ABCA12: variants seen among roughly 807,000 people sequenced by gnomAD.
ABCA12 encodes the protein glucosylceramide transporter ABCA12.
In ABCA12, 156 loss-of-function variants were observed where a neutral mutation model predicts 293.5. That is an observed-to-expected ratio of 0.53 (90% CI 0.47 to 0.61). ABCA12 has a LOEUF of 0.61. Among genes scored for constraint, ABCA12 ranks in the 20% least tolerant of loss-of-function variants. The pLI is 0.00. For missense variants in ABCA12, 2,797 were observed against 3,090.2 expected, an observed-to-expected ratio of 0.91 and a Z score of 2.25; for synonymous variants, 1,063 against 1,108.0, an observed-to-expected ratio of 0.96 and a Z score of 0.81.
intron 39 of ABCA12, among the ~76,000 whole-genome samples, chr2:214,964,035 G>C (rs1033893069): frequency 6.6e-6 from 1 of 151,172 alleles, no homozygotes; most frequent in Non-Finnish European, 1.5e-5. Flanking sequence ...AAGCTTATCT[G>C]CCACAAGTTG....
intron 2 of ABCA12, among the ~76,000 whole-genome samples, chr2:215,107,387 T>C (rs1702484729): frequency 6.6e-6 from 1 of 152,166 alleles, no homozygotes. Flanking sequence ...CATGTGGAGA[T>C]TATAAGAGAT....
chr2:214,938,577 G>T (rs143865080), intron 50 of ABCA12, among the ~76,000 whole-genome samples: 1 of 151,852 alleles, frequency 6.6e-6, no homozygotes, highest in Non-Finnish European at 1.5e-5. Context: ...TTACACTTCC[G>T]CCAACAGTGT....
intron 49 of ABCA12, among the ~76,000 whole-genome samples, chr2:214,943,315 A>T (rs1374030348): frequency 1.3e-5 from 2 of 150,544 alleles, no homozygotes; most frequent in Admixed American, 1.3e-4. Context: ...TTTAATTTTA[A>T]TTTTTTTTTG....
chr2:215,127,988 G>C (rs1228251717), intron 1 of ABCA12, among the ~76,000 whole-genome samples: 1 of 152,156 alleles, frequency 6.6e-6, no homozygotes. Flanking sequence ...TTGTAGTGGT[G>C]CTTTGGTAAT....
At chr2:215,041,090 T>C (rs1701090597) in intron 7 of ABCA12, among the ~76,000 whole-genome samples, 1 of 152,090 alleles carries the variant, frequency 6.6e-6, no homozygotes, top group Admixed American at 6.6e-5. Flanking sequence ...AAAAAATAAG[T>C]ATATGAAGGA....
At position 215,052,510 on chromosome 2, in the gene ABCA12, C is replaced by G. The variant is rs192427187; in HGVS notation, c.484G>C (p.Ala162Pro). 11 of 1,612,426 alleles carry G rather than the reference C, an allele frequency of 6.8e-6. No individual in the cohort carries two copies. In the East Asian group the frequency reaches 1.1e-4, roughly 16 times the overall value. The stretch of plus-strand genomic sequence containing the variant: ...ACCTTTTCCAAGCCAAGAATTCGTG[C>G]GAGCACTTGACTGCCATTGAAAGTA... ...TYTFNGSQVL[A>P]RILGLEKLLK... is the part of the protein sequence containing the mutation. The change falls in exon 5 of 53, where the codon GCA becomes CCA. Residue 162 changes from alanine to proline, a missense_variant. Around this residue, in one of 3 missense-constraint regions of ABCA12, gnomAD observed 656 missense variants for 638.2 expected, o/e 1.03. Coordinates refer to ENST00000272895, the MANE Select transcript of ABCA12 (RefSeq NM_173076.3).
chr2:215,054,721 C>G (rs1701386946), intron 3 of ABCA12, 57 bp from the exon 4 acceptor site: 1 of 1,350,156 alleles, frequency 7.4e-7, no homozygotes, highest in African/African-American at 1.4e-5. Context: ...TTAGTTACAG[C>G]AATGTATTAT....
chr2:215,037,140 G>C lies in ABCA12; in HGVS notation c.873-75C>G, dbSNP rs1701011445. 3.6e-6 allele frequency: 4 copies of C among 1,096,908 alleles called. No individual in the cohort carries two copies. In the South Asian group the frequency reaches 5.1e-5, roughly 14 times the overall value. The allele number at this position is 1,096,908 out of a possible 1,614,324, so 67.9% of individuals were successfully genotyped here. ...ACAGAAACAAAAGATTATTCAAGGA[G>C]AAAATGGCTACAGTATAAATTATTC... On this transcript the variant is annotated intron_variant, in intron 7 of 52. Transcript: ENST00000272895.
chr2:215,102,353 C>T (rs1702376463), intron 2 of ABCA12, among the ~76,000 whole-genome samples: 2 of 152,222 alleles, frequency 1.3e-5, no homozygotes, highest in African/African-American at 4.8e-5. Flanking sequence ...AATCCCAGCA[C>T]TTTGGGAGGC....
chr2:214,991,278 T>A (rs1457038650), intron 23 of ABCA12, among the ~76,000 whole-genome samples: 1 of 152,218 alleles, frequency 6.6e-6, no homozygotes, highest in Non-Finnish European at 1.5e-5. Flanking sequence ...GGTGAGGGTT[T>A]AATTACAGTT....
At chr2:214,982,905 G>A (rs62204080) in intron 29 of ABCA12, among the ~76,000 whole-genome samples, 9,540 of 152,226 alleles carry the variant, frequency 0.063, 444 homozygotes, top group Non-Finnish European at 0.096. Context: ...GAGTGGCTGG[G>A]ACATGCTATT....
At chr2:215,097,585 G>A (rs944544256) in intron 2 of ABCA12, among the ~76,000 whole-genome samples, 1 of 152,100 alleles carries the variant, frequency 6.6e-6, no homozygotes, top group Admixed American at 6.6e-5. Flanking sequence ...CTGGAATCAC[G>A]GCTGTAATAC....
At chr2:215,062,727 A>AT (rs1701554979) in intron 3 of ABCA12, among the ~76,000 whole-genome samples, 1 of 151,698 alleles carries the variant, frequency 6.6e-6, no homozygotes, top group South Asian at 2.1e-4. Flanking sequence ...GCTGCTGCTG[A>AT]TTTTTCCTTG....
rs1289564029 is a variant in ABCA12 at position 215,138,123 on chromosome 2, A to G, written c.69+17T>C. 1.9e-6 allele frequency: 3 copies of G among 1,612,938 alleles called. No homozygotes were observed. The highest frequency in any genetic ancestry group is 3.3e-5 in the Admixed American group (2 of 59,980). On this transcript the variant is annotated intron_variant, in intron 1 of 52. Transcript: ENST00000272895. Reference sequence around the variant, plus strand: ...ATTGCCCCATGACCCATACTCCCACACTTTTTTTTAACTCACCGGCTGCCT... The same window carrying G: ...ATTGCCCCATGACCCATACTCCCACGCTTTTTTTTAACTCACCGGCTGCCT...
intron 1 of ABCA12, among the ~76,000 whole-genome samples, chr2:215,117,100 A>G (rs1051688713): frequency 6.6e-6 from 1 of 152,214 alleles, no homozygotes; most frequent in African/African-American, 2.4e-5. Flanking sequence ...CCAATTTCAA[A>G]TTGTTCTAGA....
chr2:214,944,332 A>G (rs1698505958), intron 49 of ABCA12, among the ~76,000 whole-genome samples: 1 of 152,000 alleles, frequency 6.6e-6, no homozygotes, highest in African/African-American at 2.4e-5. Flanking sequence ...GAATTGCTTG[A>G]ACCCGGGAGG....
chr2:214,933,969 A>T (rs2105906946), intron 52 of ABCA12, 109 bp downstream of exon 52: 1 of 1,183,288 alleles, frequency 8.5e-7, no homozygotes, highest in Non-Finnish European at 1.2e-6. Context: ...GCAAGACTAG[A>T]TATTAATTCA....
At chr2:215,038,514 G>T (rs918309656) in intron 7 of ABCA12, among the ~76,000 whole-genome samples, 1 of 152,154 alleles carries the variant, frequency 6.6e-6, no homozygotes, top group Non-Finnish European at 1.5e-5. Flanking sequence ...GTTCCGAACA[G>T]TTGGCCACAG....
intron 2 of ABCA12, among the ~76,000 whole-genome samples, chr2:215,091,410 C>T (rs1702139536): frequency 6.6e-6 from 1 of 152,152 alleles, no homozygotes; most frequent in African/African-American, 2.4e-5. Context: ...GAGCTGTAGG[C>T]GTAGTCAAGG....
Sources: gnomAD v4.1 joint callset for allele counts (sites outside exome capture counted in the v4.1 genomes callset) on GRCh38, gnomAD v4.1.1 for gene constraint, gnomAD v4.1.1 regional missense constraint, MANE v1.5 for transcripts, NCBI Gene and HGNC (gene_info 2026-07-23, HGNC 2026-07-21) for gene names.